OSBPL10: variants seen among roughly 807,000 people sequenced by gnomAD.
The protein encoded by OSBPL10 is oxysterol binding protein like 10.
In OSBPL10, 49 loss-of-function variants were observed where a neutral mutation model predicts 81.7. The ratio of observed to expected loss-of-function variants is 0.60; its 90% confidence interval spans 0.48 to 0.76. The LOEUF (loss-of-function observed/expected upper bound fraction) is 0.76. Ranked by LOEUF, OSBPL10 falls within the 30% of genes least tolerant of loss-of-function variation. The pLI, the probability that OSBPL10 is intolerant of heterozygous loss-of-function variation, is 0.00. For synonymous variants in OSBPL10, 419 were observed against 383.6 expected (o/e 1.09, Z -1.08); for missense variants, 923 against 987.8 (o/e 0.93, Z 0.88).
intron 2 of OSBPL10, among the ~76,000 whole-genome samples, chr3:32,043,912 G>C (rs997100768): frequency 6.6e-6 from 1 of 151,378 alleles, no homozygotes; most frequent in Non-Finnish European, 1.5e-5. Flanking sequence ...GACTATTAGA[G>C]GGGGAATGGA....
chr3:31,935,972 G>C (rs1697372195), intron 1 of OSBPL10, among the ~76,000 whole-genome samples: 1 of 152,152 alleles, frequency 6.6e-6, no homozygotes, highest in Non-Finnish European at 1.5e-5. Flanking sequence ...CCATTCTAGT[G>C]AGAAAAATCC....
intron 1 of OSBPL10, among the ~76,000 whole-genome samples, chr3:31,903,523 G>T (rs566455121): frequency 6.6e-6 from 1 of 152,038 alleles, no homozygotes; most frequent in Admixed American, 6.5e-5. Flanking sequence ...TAGAGACAGG[G>T]TTCCACTATG....
At position 31,980,972 on chromosome 3, in the gene OSBPL10, C is replaced by A; in HGVS notation, c.208G>T (p.Gly70Cys). The A allele has an allele frequency of 1.3e-6, 2 of 1,566,194 alleles. No homozygotes were observed. Among genetic ancestry groups the A allele is most frequent in the Non-Finnish European group, 1.7e-6 (2 of 1,161,140 alleles). Residue 70 changes from glycine to cysteine, a missense_variant, in exon 1 of 12, where the codon GGC (glycine) becomes TGC (cysteine). Gly to Cys is a radical substitution (Grantham distance 159). Around this residue, in one of 3 missense-constraint regions of OSBPL10, gnomAD observed 514 missense variants for 508.0 expected, o/e 1.01. Transcript: ENST00000396556. ...TCGAGCGCCGGCTCCCTCCTGCGGC[C>A]GCCTCCCCCGGACGGGCTAGCGGCC... ...SVAASPSGGG[G>C]RRREPALEGV...
intron 3 of OSBPL10, among the ~76,000 whole-genome samples, chr3:31,860,518 G>A (rs1034642001): frequency 2.0e-5 from 3 of 152,092 alleles, no homozygotes; most frequent in East Asian, 1.9e-4. Context: ...GGGACTGAAC[G>A]ACCAAGGAGG....
At chr3:32,027,293 T>G (rs1010733596) in intron 2 of OSBPL10, among the ~76,000 whole-genome samples, 5 of 152,114 alleles carry the variant, frequency 3.3e-5, no homozygotes, top group Non-Finnish European at 7.4e-5. Flanking sequence ...GGTTTATTAA[T>G]CTTAAAAATG....
At chr3:31,681,295 A>G (rs1427874362) in intron 8 of OSBPL10, among the ~76,000 whole-genome samples, 4 of 152,140 alleles carry the variant, frequency 2.6e-5, no homozygotes, top group African/African-American at 9.7e-5. Context: ...ACCTGTGGGC[A>G]CTCTGGAGTT....
chr3:32,075,592 C>A (rs1267661966), intron 1 of OSBPL10, among the ~76,000 whole-genome samples: 11 of 152,144 alleles, frequency 7.2e-5, no homozygotes, highest in Non-Finnish European at 1.5e-4. Flanking sequence ...CACCCCTCAC[C>A]CCAAAATCTT....
intron 1 of OSBPL10, among the ~76,000 whole-genome samples, chr3:31,906,233 A>G (rs895945664): frequency 5.9e-5 from 9 of 152,182 alleles, no homozygotes; most frequent in Non-Finnish European, 2.9e-5. Flanking sequence ...CACAAAGTAT[A>G]TATAACCCAC....
intron 7 of OSBPL10, among the ~76,000 whole-genome samples, chr3:31,685,737 G>A (rs1460436805): frequency 6.6e-6 from 1 of 152,128 alleles, no homozygotes; most frequent in African/African-American, 2.4e-5. Context: ...GAGGGTGTAT[G>A]ATCACGGACC....
At chr3:31,707,838 T>C (rs766377833) in intron 6 of OSBPL10, among the ~76,000 whole-genome samples, 1 of 152,194 alleles carries the variant, frequency 6.6e-6, no homozygotes, top group East Asian at 1.9e-4. Context: ...AGTGTACTTA[T>C]GTTTTCTAGG....
chr3:31,871,228 C>T (rs779788307), intron 3 of OSBPL10, among the ~76,000 whole-genome samples: 58 of 152,156 alleles, frequency 3.8e-4, no homozygotes, highest in Non-Finnish European at 1.8e-4. Flanking sequence ...AACACTCACC[C>T]CTAAGATCTG....
At chr3:31,949,757 A>C (rs146119879) in intron 1 of OSBPL10, among the ~76,000 whole-genome samples, 15 of 150,506 alleles carry the variant, frequency 1.0e-4, no homozygotes, top group African/African-American at 3.6e-4. Context: ...TTAAAGCCTT[A>C]ATTGAGAGAG....
intron 6 of OSBPL10, among the ~76,000 whole-genome samples, chr3:31,709,583 G>GA (rs1369020417): frequency 1.3e-5 from 2 of 151,880 alleles, no homozygotes; most frequent in Non-Finnish European, 2.9e-5. Flanking sequence ...AAATGAAAGG[G>GA]AAAAAAAGAA....
chr3:32,021,693 G>A (rs1029043203), intron 2 of OSBPL10, among the ~76,000 whole-genome samples: 2 of 151,990 alleles, frequency 1.3e-5, no homozygotes, highest in African/African-American at 4.8e-5. Flanking sequence ...TATATTCTAG[G>A]CTGGGTATGA....
intron 2 of OSBPL10, among the ~76,000 whole-genome samples, chr3:31,998,593 A>C (rs144908257): frequency 2.6e-5 from 4 of 152,220 alleles, no homozygotes; most frequent in African/African-American, 7.2e-5. Context: ...CTTTCATTGG[A>C]TCTTTTTCAA....
intron 1 of OSBPL10, among the ~76,000 whole-genome samples, chr3:31,939,067 G>C (rs1697461733): frequency 6.6e-6 from 1 of 151,152 alleles, no homozygotes; most frequent in African/African-American, 2.4e-5. Flanking sequence ...CCAGGCATTT[G>C]CTCTACTACA....
chr3:31,814,187 C>A (rs958640646), intron 4 of OSBPL10, among the ~76,000 whole-genome samples: 2 of 152,218 alleles, frequency 1.3e-5, no homozygotes, highest in Non-Finnish European at 2.9e-5. Flanking sequence ...GGCATCCCAA[C>A]AGTGACAGCT....
chr3:31,880,322 G>A (rs1695525190), intron 1 of OSBPL10, among the ~76,000 whole-genome samples: 1 of 152,214 alleles, frequency 6.6e-6, no homozygotes, highest in Non-Finnish European at 1.5e-5. Context: ...GGCAGCATCT[G>A]TCAGGGAACT....
chr3:31,844,847 G>A (rs755634793), intron 3 of OSBPL10, among the ~76,000 whole-genome samples: 18 of 152,224 alleles, frequency 1.2e-4, no homozygotes, highest in Non-Finnish European at 2.4e-4. Context: ...GCCAAGGCAG[G>A]AGGATCACTA....
Sources: allele counts gnomAD v4.1 joint callset (sites outside exome capture counted in the v4.1 genomes callset), GRCh38; gene constraint gnomAD v4.1.1; regional missense constraint gnomAD v4.1.1; transcripts MANE v1.5; gene names NCBI Gene and HGNC (gene_info 2026-07-23, HGNC 2026-07-21).